Variants in LARP4 observed in about 807,000 individuals in gnomAD.
LARP4 encodes the protein la-related protein 4.
Under a neutral mutation model 92.9 loss-of-function variants are expected in LARP4, and 29 were observed. That is an observed-to-expected ratio of 0.31 (90% CI 0.23 to 0.43). The LOEUF (loss-of-function observed/expected upper bound fraction) is 0.43. LARP4 is among the 20% of genes least tolerant of loss of function. LARP4 has a pLI of 1.00. For synonymous variants in LARP4, 279 were observed against 284.1 expected, an observed-to-expected ratio of 0.98 and a Z score of 0.18; for missense variants, 732 against 860.0, an observed-to-expected ratio of 0.85 and a Z score of 1.86.
At chr12:50,440,709 ATCT>A (rs1951074632) in intron 7 of LARP4, among the ~76,000 whole-genome samples, 160 bp downstream of exon 7, 1 of 152,186 alleles carries the variant, frequency 6.6e-6, no homozygotes, top group African/African-American at 2.4e-5. Flanking sequence ...CTTTTTGATC[ATCT>A]TCCTAAAGTT....
Position 50,477,767 on chromosome 12 carries a change from G to C in LARP4, c.*1903G>C, listed in dbSNP as rs1175856636. On this transcript the variant is annotated 3_prime_UTR_variant, in exon 16 of 16. Coordinates refer to ENST00000398473, the MANE Select transcript of LARP4 (RefSeq NM_052879.5). ...CACTATTTTTAAAAATTGCCTACTA[G>C]GTGAAACATAACAATAAAACTACCT... is the stretch of plus-strand genomic sequence containing the variant. 1 of 152,300 alleles carries C rather than the reference G, an allele frequency of 6.6e-6. No individual in the cohort carries two copies. The highest frequency in any genetic ancestry group is 6.6e-5 in the Admixed American group (1 of 15,234). 9.4% of individuals were successfully genotyped at this position (152,300 alleles called of 1,614,324 possible). A position where few individuals can be genotyped will look rare whatever the true frequency, so the allele number is the denominator to read the frequency against.
chr12:50,427,300 AAGTTATGTAAAT>A (rs138534140), intron 1 of LARP4, among the ~76,000 whole-genome samples: 1,966 of 152,234 alleles, frequency 0.013, 45 homozygotes, highest in African/African-American at 0.043. Flanking sequence ...AGTGTCTCAA[AAGTTATGTAAAT>A]AGTTTAAATT....
intron 12 of LARP4, among the ~76,000 whole-genome samples, chr12:50,464,106 G>A (rs1337956698): frequency 2.0e-5 from 3 of 152,100 alleles, no homozygotes; most frequent in African/African-American, 7.2e-5. Flanking sequence ...CTTTATAGCA[G>A]TGCTCCACTC....
At chr12:50,403,473 T>C (rs977704580) in intron 1 of LARP4, among the ~76,000 whole-genome samples, 2 of 152,252 alleles carry the variant, frequency 1.3e-5, no homozygotes, top group Non-Finnish European at 1.5e-5. Context: ...GTTAACGTAT[T>C]GCTATATTAG....
chr12:50,475,895 CT>C lies in LARP4; in HGVS notation c.*32del. 1 of 1,578,984 alleles carries C rather than the reference CT, an allele frequency of 6.3e-7. No homozygotes were observed. On this transcript the variant is annotated 3_prime_UTR_variant, in exon 16 of 16. Coordinates refer to ENST00000398473, the MANE Select transcript of LARP4 (RefSeq NM_052879.5). ...AACAAAACTATTCAAAAACTTCACTCTCTTCCCATTAAACTTGAACTGTGGC... is the reference window on the plus strand; with the variant it reads ...AACAAAACTATTCAAAAACTTCACTCCTTCCCATTAAACTTGAACTGTGGC...
chr12:50,471,529 T>G (rs1404787487), intron 13 of LARP4, among the ~76,000 whole-genome samples: 1 of 152,210 alleles, frequency 6.6e-6, no homozygotes, highest in Non-Finnish European at 1.5e-5. Flanking sequence ...TTAAAGTCTT[T>G]CGAGTGTTTT....
At chr12:50,452,739 CAT>C (rs1953453888) in intron 8 of LARP4, among the ~76,000 whole-genome samples, 1 of 152,122 alleles carries the variant, frequency 6.6e-6, no homozygotes, top group South Asian at 2.1e-4. Flanking sequence ...GCATCTGTTT[CAT>C]ATGTTTAAGA....
At chr12:50,413,635 A>C (rs1236756168) in intron 1 of LARP4, among the ~76,000 whole-genome samples, 1 of 152,208 alleles carries the variant, frequency 6.6e-6, no homozygotes, top group Non-Finnish European at 1.5e-5. Context: ...TTATAATCTT[A>C]TGGGACCACT....
rs906162303 is a variant in LARP4, at chr12:50,477,101, C to T, written c.*1237C>T. On this transcript the variant is annotated 3_prime_UTR_variant, in exon 16 of 16. Coordinates refer to ENST00000398473, the MANE Select transcript of LARP4 (RefSeq NM_052879.5). ...TACCTTCCTTCCCTCCTCTTCTCCCCCCACACCCAACAAAATACAGTTTGG... is the reference window on the plus strand; with the variant it reads ...TACCTTCCTTCCCTCCTCTTCTCCCTCCACACCCAACAAAATACAGTTTGG... 6.6e-6 allele frequency: 1 copy of T among 152,414 alleles called. No homozygotes were observed. The allele number at this position is 152,414 out of a possible 1,614,324, so 9.4% of individuals were successfully genotyped here.
chr12:50,450,321 C>T (rs1952965206), intron 8 of LARP4, among the ~76,000 whole-genome samples: 1 of 152,152 alleles, frequency 6.6e-6, no homozygotes, highest in Non-Finnish European at 1.5e-5. Context: ...CTGGAGTCAA[C>T]CAGTTCTTTT....
intron 8 of LARP4, among the ~76,000 whole-genome samples, chr12:50,449,768 C>T (rs1337280554): frequency 6.6e-6 from 1 of 151,960 alleles, no homozygotes; most frequent in Admixed American, 6.6e-5. Flanking sequence ...TTGACTCTGG[C>T]TTTTATTACC....
intron 10 of LARP4, among the ~76,000 whole-genome samples, chr12:50,460,365 A>T (rs1593345806): frequency 1.3e-5 from 2 of 152,224 alleles, no homozygotes. Context: ...GTTTTCTCTG[A>T]TGCCTGTGCA....
intron 3 of LARP4, among the ~76,000 whole-genome samples, chr12:50,429,517 A>T (rs907893086): frequency 6.6e-6 from 1 of 152,056 alleles, no homozygotes; most frequent in Non-Finnish European, 1.5e-5. Flanking sequence ...CTGCACTCCA[A>T]CCTGGGTGAC....
chr12:50,426,745 T>C (rs1290755544), intron 1 of LARP4, among the ~76,000 whole-genome samples: 45 of 142,918 alleles, frequency 3.1e-4, no homozygotes, highest in South Asian at 1.8e-3. Context: ...TTTTTTTTTT[T>C]TTTTTTCTTT....
intron 8 of LARP4, among the ~76,000 whole-genome samples, chr12:50,445,199 C>T (rs1478911126): frequency 1.3e-5 from 2 of 152,110 alleles, no homozygotes; most frequent in Non-Finnish European, 2.9e-5. Flanking sequence ...CCACTGCGCC[C>T]AGCATTTGTG....
chr12:50,461,928 AGCCTGGGTGACAGAGC>A (rs953551812), intron 11 of LARP4, among the ~76,000 whole-genome samples: 1 of 152,186 alleles, frequency 6.6e-6, no homozygotes. Context: ...ACTGCATTCC[AGCCTGGGTGACAGAGC>A]GCGACTCTGT....
intron 12 of LARP4, 51 bp downstream of exon 12, chr12:50,462,681 T>C (rs1955596148): frequency 2.5e-6 from 3 of 1,206,540 alleles, no homozygotes; most frequent in Non-Finnish European, 3.6e-6. Context: ...TGTGATTTAC[T>C]ATGGCATTGA....
intron 10 of LARP4, among the ~76,000 whole-genome samples, chr12:50,458,106 G>T (rs1179172721): frequency 1.3e-4 from 19 of 149,918 alleles, no homozygotes; most frequent in Non-Finnish European, 2.2e-4. Context: ...CTAAGTTTTT[G>T]TATTTTTTTT....
chr12:50,455,447 C>T (rs1451450764), intron 10 of LARP4, among the ~76,000 whole-genome samples: 4 of 152,124 alleles, frequency 2.6e-5, no homozygotes, highest in Admixed American at 6.6e-5. Context: ...TATTACTTCT[C>T]GTTTGCTGTT....
Sources: gnomAD v4.1 joint callset for allele counts (sites outside exome capture counted in the v4.1 genomes callset) on GRCh38, gnomAD v4.1.1 for gene constraint, MANE v1.5 for transcripts, NCBI Gene and HGNC (gene_info 2026-07-23, HGNC 2026-07-21) for gene names.